The following AGPAT3 variants were observed in gnomAD, a reference collection of about 807,000 sequenced individuals.
AGPAT3 encodes 1-acylglycerol-3-phosphate O-acyltransferase 3, also known as 1-acyl-sn-glycerol-3-phosphate acyltransferase gamma.
In AGPAT3, 5 loss-of-function variants were observed where a neutral mutation model predicts 47.3. The ratio of observed to expected loss-of-function variants is 0.11; its 90% CI spans 0.06 to 0.22. AGPAT3 has a LOEUF of 0.22. Among genes scored for constraint, AGPAT3 ranks in the 10% least tolerant of loss-of-function variants. The pLI is 1.00. For missense variants in AGPAT3, 315 were observed against 493.0 expected (o/e 0.64, Z 3.42); for synonymous variants, 212 against 208.3 (o/e 1.02, Z -0.15).
rs1338734132 is a variant in AGPAT3, at chr21:43,901,946, A to C, written c.-111-2011A>C. On this transcript the variant is annotated intron_variant, in intron 1 of 9. Coordinates refer to ENST00000291572, the MANE Select transcript of AGPAT3 (RefSeq NM_020132.5). The stretch of plus-strand genomic sequence containing the variant: ...AAATGAACAGAGCATCAGTGGGACC[A>C]TATCGAGAGTAACATATGAAACTGA... Among the ~76,000 whole-genome samples, 5 of 152,260 alleles carry C rather than the reference A, an allele frequency of 3.3e-5. No homozygotes were observed. In the East Asian group the frequency reaches 9.6e-4, roughly 29 times the overall value.
At chr21:43,937,818 C>CT (rs2087499619) in intron 2 of AGPAT3, among the ~76,000 whole-genome samples, 1 of 152,200 alleles carries the variant, frequency 6.6e-6, no homozygotes, top group Admixed American at 6.5e-5. Flanking sequence ...TTAACTATCT[C>CT]TAAGGCAGTC....
intron 7 of AGPAT3, among the ~76,000 whole-genome samples, chr21:43,973,899 T>G (rs1432667042): frequency 6.6e-6 from 1 of 152,194 alleles, no homozygotes; most frequent in African/African-American, 2.4e-5. Context: ...GTGGCTTGAG[T>G]CAGCTCCAGG....
intron 1 of AGPAT3, among the ~76,000 whole-genome samples, chr21:43,897,304 CAGA>C (rs1243670507): frequency 6.6e-6 from 1 of 152,166 alleles, no homozygotes; most frequent in Non-Finnish European, 1.5e-5. Context: ...CATCCCAAGG[CAGA>C]AGAATTTTTC....
intron 2 of AGPAT3, among the ~76,000 whole-genome samples, chr21:43,914,380 T>C (rs1458405316): frequency 6.6e-6 from 1 of 152,242 alleles, no homozygotes; most frequent in African/African-American, 2.4e-5. Flanking sequence ...AATGTTAAAA[T>C]AGTCTATTCT....
At chr21:43,878,250 C>T (rs760350863) in intron 1 of AGPAT3, among the ~76,000 whole-genome samples, 3 of 152,230 alleles carry the variant, frequency 2.0e-5, no homozygotes, top group Non-Finnish European at 2.9e-5. Context: ...CTCCTTTTGC[C>T]TGGTGACTTC....
chr21:43,888,094 G>T (rs972118004), intron 1 of AGPAT3, among the ~76,000 whole-genome samples: 1 of 152,196 alleles, frequency 6.6e-6, no homozygotes, highest in African/African-American at 2.4e-5. Flanking sequence ...GTATTGGAGT[G>T]CAGTGGCACA....
chr21:43,906,014 A>G (rs989361648), intron 2 of AGPAT3, among the ~76,000 whole-genome samples: 1 of 152,232 alleles, frequency 6.6e-6, no homozygotes, highest in African/African-American at 2.4e-5. Flanking sequence ...TCCCAGAAGG[A>G]GGACATTTTG....
chr21:43,964,740 C>A (rs553203887), intron 3 of AGPAT3, among the ~76,000 whole-genome samples: 2 of 152,144 alleles, frequency 1.3e-5, no homozygotes, highest in Non-Finnish European at 2.9e-5. Context: ...CAGAAATAAT[C>A]GGCCTCTCCA....
chr21:43,884,493 C>A (rs1056015773), intron 1 of AGPAT3, among the ~76,000 whole-genome samples: 4 of 152,200 alleles, frequency 2.6e-5, no homozygotes, highest in African/African-American at 9.7e-5. Flanking sequence ...GTGGTCTCGC[C>A]CAGCTGGCTG....
At chr21:43,901,493 A>G (rs570557231) in intron 1 of AGPAT3, among the ~76,000 whole-genome samples, 2 of 152,258 alleles carry the variant, frequency 1.3e-5, no homozygotes, top group Non-Finnish European at 2.9e-5. Context: ...TATAAAAAAA[A>G]GACCTAGGGC....
At chr21:43,947,884 G>A (rs2087979431) in intron 2 of AGPAT3, among the ~76,000 whole-genome samples, 1 of 152,088 alleles carries the variant, frequency 6.6e-6, no homozygotes, top group Non-Finnish European at 1.5e-5. Context: ...TCAAGCTCCT[G>A]ACCTCAAGTG....
intron 2 of AGPAT3, among the ~76,000 whole-genome samples, chr21:43,956,966 ACCCCTCC>A (rs2088499601): frequency 6.6e-6 from 1 of 151,960 alleles, no homozygotes; most frequent in Non-Finnish European, 1.5e-5. Context: ...AGGGAAGAAG[ACCCCTCC>A]ACCTTTCGAG....
At chr21:43,918,751 A>G (rs1176913870) in intron 2 of AGPAT3, among the ~76,000 whole-genome samples, 2 of 151,948 alleles carry the variant, frequency 1.3e-5, no homozygotes, top group East Asian at 1.9e-4. Context: ...TAATTTTTCT[A>G]TTTTTAGTAG....
chr21:43,977,913 A>G (rs1229765202), intron 7 of AGPAT3, 133 bp from the exon 8 acceptor site: 2 of 626,902 alleles, frequency 3.2e-6, no homozygotes, highest in African/African-American at 3.8e-5. Flanking sequence ...AAGAAAAGAA[A>G]TTGAGAGTGA....
intron 2 of AGPAT3, among the ~76,000 whole-genome samples, chr21:43,928,907 C>T (rs1318982546): frequency 1.3e-5 from 2 of 152,206 alleles, no homozygotes; most frequent in Non-Finnish European, 2.9e-5. Context: ...TTGGCCCCAC[C>T]CTAGGTGGCT....
chr21:43,972,095 G>A (rs1323971240), intron 7 of AGPAT3, among the ~76,000 whole-genome samples: 2 of 152,194 alleles, frequency 1.3e-5, no homozygotes, highest in East Asian at 1.9e-4. Flanking sequence ...GCACGCGAGG[G>A]ACCGCAGTGT....
chr21:43,910,355 C>T (rs542393932), intron 2 of AGPAT3, among the ~76,000 whole-genome samples: 12 of 152,242 alleles, frequency 7.9e-5, no homozygotes, highest in African/African-American at 2.4e-4. Flanking sequence ...TGTGGCCGCG[C>T]GTATTGCCAG....
intron 2 of AGPAT3, among the ~76,000 whole-genome samples, chr21:43,935,083 G>T (rs944974375): frequency 6.6e-6 from 1 of 152,254 alleles, no homozygotes; most frequent in African/African-American, 2.4e-5. Flanking sequence ...CAGTGTGGAG[G>T]CTGGACAGGG....
At chr21:43,927,033 G>C (rs952875565) in intron 2 of AGPAT3, among the ~76,000 whole-genome samples, 21 of 148,680 alleles carry the variant, frequency 1.4e-4, no homozygotes, top group South Asian at 4.3e-4. Context: ...GCCTAGGCTA[G>C]TCTCAAACTC....
Sources: gnomAD v4.1 joint callset for allele counts (sites outside exome capture counted in the v4.1 genomes callset) on GRCh38, gnomAD v4.1.1 for gene constraint, MANE v1.5 for transcripts, NCBI Gene and HGNC (gene_info 2026-07-23, HGNC 2026-07-21) for gene names.